ATP10A: variants seen among roughly 807,000 people sequenced by gnomAD.
ATP10A encodes ATPase phospholipid transporting 10A (putative).
In ATP10A, 111 loss-of-function variants were observed where a neutral mutation model predicts 147.8. The ratio of observed to expected loss-of-function variants is 0.75; its 90% CI spans 0.64 to 0.88. ATP10A has a LOEUF of 0.88. ATP10A is among the 40% of genes least tolerant of loss of function. The pLI, the probability that ATP10A is intolerant of heterozygous loss-of-function variation, is 0.00. For missense variants in ATP10A, 1,927 were observed against 1,959.0 expected (o/e 0.98, Z 0.31); for synonymous variants, 875 against 841.6 (o/e 1.04, Z -0.69).
At chr15:25,791,584 G>T (rs1411036468) in intron 1 of ATP10A, among the ~76,000 whole-genome samples, 1 of 151,784 alleles carries the variant, frequency 6.6e-6, no homozygotes, top group Non-Finnish European at 1.5e-5. Flanking sequence ...ACGGAGTCTT[G>T]CTATGTTGCC....
intron 2 of ATP10A, among the ~76,000 whole-genome samples, chr15:25,763,813 A>T (rs1888883149): frequency 6.6e-6 from 1 of 152,174 alleles, no homozygotes; most frequent in Admixed American, 6.5e-5. Context: ...CATCCCTAAA[A>T]TTATATCTAT....
chr15:25,707,131 T>C (rs553268133), intron 12 of ATP10A, among the ~76,000 whole-genome samples: 1 of 152,356 alleles, frequency 6.6e-6, no homozygotes, highest in African/African-American at 2.4e-5. Flanking sequence ...CAGATATATG[T>C]TATGCCTAGT....
intron 12 of ATP10A, among the ~76,000 whole-genome samples, chr15:25,704,673 G>C (rs978806084): frequency 2.0e-5 from 3 of 152,218 alleles, no homozygotes; most frequent in Non-Finnish European, 2.9e-5. Flanking sequence ...ACTGAAAAAG[G>C]AGTTATGGGA....
downstream of ATP10A, among the ~76,000 whole-genome samples, chr15:25,673,352 G>T (rs1460872501): frequency 6.6e-6 from 1 of 152,168 alleles, no homozygotes; most frequent in South Asian, 2.1e-4. Flanking sequence ...GGGCTTCCTG[G>T]GTGTCGGTCT....
At chr15:25,845,322 T>TTGTG (rs746244130) in intron 1 of ATP10A, among the ~76,000 whole-genome samples, 3,578 of 141,670 alleles carry the variant, frequency 0.025, 123 homozygotes, top group African/African-American at 0.082. Flanking sequence ...GTTTGTGTGT[T>TTGTG]TGTGTGTGTG....
At position 25,793,310 on chromosome 15, in the gene ATP10A, C is replaced by T. The variant is rs971418245; in HGVS notation, c.450-12087G>A. ...AATGAGCACTGCAATCATACCTGCTCTTCCCATCCCACCCAGGGCCCTGGG... is the reference window on the plus strand; with the variant it reads ...AATGAGCACTGCAATCATACCTGCTTTTCCCATCCCACCCAGGGCCCTGGG... On this transcript the variant is annotated intron_variant, in intron 1 of 20. Transcript: ENST00000555815. 4.6e-5 allele frequency among the ~76,000 whole-genome samples: 7 copies of T among 152,324 alleles called. 1 individual carries two copies. The South Asian group carries it at 6.2e-4, about 14-fold the overall frequency.
At chr15:25,852,568 C>A (rs75091697) in intron 1 of ATP10A, among the ~76,000 whole-genome samples, 1 of 51,684 alleles carries the variant, frequency 1.9e-5, no homozygotes, top group East Asian at 8.6e-4. Context: ...CTCCGAAGTT[C>A]CCTTCTCTCC....
Position 25,707,966 on chromosome 15 carries a change from A to G in ATP10A, c.2575+10T>C, listed in dbSNP as rs1901144135. On this transcript the variant is annotated intron_variant, in intron 12 of 20. Transcript: ENST00000555815. ...ACTGCCCTTAGGCATGCGACTCTCA[A>G]GTTAATTACCTAACAAGTGCAGGTT... The G allele has an allele frequency of 6.2e-6, 10 of 1,613,352 alleles. No individual in the cohort carries two copies. In the East Asian group the frequency reaches 8.9e-5, roughly 14 times the overall value.
chr15:25,762,527 C>T (rs1327530357), intron 2 of ATP10A, among the ~76,000 whole-genome samples: 13 of 152,138 alleles, frequency 8.5e-5, no homozygotes, highest in African/African-American at 3.1e-4. Flanking sequence ...GTGATCCTCC[C>T]GTCTTGGCCT....
At chr15:25,789,050 C>T (rs1733721166) in intron 1 of ATP10A, among the ~76,000 whole-genome samples, 1 of 152,144 alleles carries the variant, frequency 6.6e-6, no homozygotes, top group African/African-American at 2.4e-5. Flanking sequence ...CTCCAACTCC[C>T]AGGGCTGAAG....
At chr15:25,801,556 C>T (rs1890941539) in intron 1 of ATP10A, among the ~76,000 whole-genome samples, 1 of 152,208 alleles carries the variant, frequency 6.6e-6, no homozygotes, top group Admixed American at 6.5e-5. Context: ...GCGATGCTCA[C>T]TCCTGGTCAA....
intron 2 of ATP10A, among the ~76,000 whole-genome samples, chr15:25,743,642 G>T (rs564969584): frequency 2.0e-5 from 3 of 152,272 alleles, no homozygotes; most frequent in African/African-American, 7.2e-5. Context: ...TGTAACAAAT[G>T]AACACAAATG....
intron 2 of ATP10A, among the ~76,000 whole-genome samples, chr15:25,760,436 T>C (rs1476361553): frequency 1.3e-5 from 2 of 152,240 alleles, no homozygotes; most frequent in East Asian, 3.8e-4. Flanking sequence ...TGCATTGCCA[T>C]AGCCATTTTA....
At chr15:25,741,122 G>A (rs182807298) in intron 2 of ATP10A, among the ~76,000 whole-genome samples, 7 of 152,326 alleles carry the variant, frequency 4.6e-5, no homozygotes, top group Non-Finnish European at 8.8e-5. Context: ...ATCAAACCCC[G>A]TGCTTCCTGG....
intron 2 of ATP10A, among the ~76,000 whole-genome samples, chr15:25,757,912 C>T (rs1334506863): frequency 3.9e-4 from 12 of 31,046 alleles, no homozygotes; most frequent in African/African-American, 1.2e-3. Context: ...ACCTGCTCCA[C>T]CCTAACTCAT....
chr15:25,729,251 C>A (rs891579554), intron 3 of ATP10A, among the ~76,000 whole-genome samples: 1 of 152,178 alleles, frequency 6.6e-6, no homozygotes, highest in Non-Finnish European at 1.5e-5. Flanking sequence ...CTTTGGGAGG[C>A]CAAGGCAGGC....
intron 10 of ATP10A, chr15:25,710,236 C>G (rs558940926): frequency 6.6e-6 from 1 of 152,392 alleles, no homozygotes; most frequent in Non-Finnish European, 1.5e-5. Flanking sequence ...CTCAGCTCCT[C>G]GGGTGAGGAG....
chr15:25,697,121 T>C lies in ATP10A; in HGVS notation c.2761-1975A>G, dbSNP rs138601842. Among the ~76,000 whole-genome samples, 45 of 152,296 alleles carry C rather than the reference T, an allele frequency of 3.0e-4. No homozygotes were observed. In the East Asian group the frequency reaches 8.1e-3, roughly 27 times the overall value. ...GAAGCTTGGCTAACTGACCCCATAA[T>C]GTTGTTAATGAATTCCTGGGCTCAC... On this transcript the variant is annotated intron_variant, in intron 13 of 20. Coordinates refer to ENST00000555815, the MANE Select transcript of ATP10A (RefSeq NM_024490.4).
intron 1 of ATP10A, among the ~76,000 whole-genome samples, chr15:25,822,162 A>G (rs1891918684): frequency 6.6e-6 from 1 of 152,226 alleles, no homozygotes; most frequent in African/African-American, 2.4e-5. Flanking sequence ...ACGACAAGAA[A>G]AAAAGGTCTG....
Sources: gnomAD v4.1 joint callset for allele counts (sites outside exome capture counted in the v4.1 genomes callset) on GRCh38, gnomAD v4.1.1 for gene constraint, MANE v1.5 for transcripts, NCBI Gene and HGNC (gene_info 2026-07-23, HGNC 2026-07-21) for gene names.